EVC2: variants seen among roughly 807,000 people sequenced by gnomAD.
EVC2 encodes limbin.
A neutral mutation model predicts 149.3 loss-of-function variants in EVC2; 148 were observed. The ratio of observed to expected loss-of-function variants is 0.99; its 90% CI spans 0.87 to 1.14. EVC2 has a LOEUF of 1.14. Among genes scored for constraint, EVC2 ranks in the 50% most tolerant of loss-of-function variants. EVC2 has a pLI of 0.00. For synonymous variants in EVC2, 776 were observed against 649.9 expected (o/e 1.19, Z -2.95); for missense variants, 1,854 against 1,627.3 (o/e 1.14, Z -2.40).
At chr4:5,675,410 C>T (rs76140177) in intron 7 of EVC2, among the ~76,000 whole-genome samples, 1,777 of 152,284 alleles carry the variant, frequency 0.012, 34 homozygotes, top group African/African-American at 0.041. Context: ...CTCCTCCTCC[C>T]GTTGGTTTAA....
rs562168614 is a variant in EVC2, at chr4:5,547,185, C to T, written c.3420-3973G>A. ...CAAAGTCAGGGCCAAGTCACAGCTT[C>T]GCCAGGTGTGCACACACTTTGGGCG... On this transcript the variant is annotated intron_variant and NMD_transcript_variant, in intron 21 of 22. Transcript: ENST00000475313. 3.1e-4 allele frequency among the ~76,000 whole-genome samples: 47 copies of T among 152,370 alleles called. No homozygotes were observed. In the South Asian group the frequency reaches 6.2e-3, roughly 20 times the overall value.
intron 18 of EVC2, among the ~76,000 whole-genome samples, chr4:5,575,801 A>G (rs1444951683): frequency 6.6e-6 from 1 of 152,210 alleles, no homozygotes; most frequent in African/African-American, 2.4e-5. Flanking sequence ...CTGTTTTATA[A>G]TTTTACAAAA....
intron 1 of EVC2, chr4:5,707,995 G>A (rs1223837610): frequency 1.4e-5 from 4 of 285,540 alleles, no homozygotes; most frequent in African/African-American, 2.2e-5. Context: ...CTGGGGCACA[G>A]GAGTGAACTG....
intron 14 of EVC2, among the ~76,000 whole-genome samples, chr4:5,619,973 A>G (rs1405018498): frequency 6.6e-6 from 1 of 152,210 alleles, no homozygotes; most frequent in Non-Finnish European, 1.5e-5. Flanking sequence ...GGTTGGCCAG[A>G]GTCAGGTTTA....
At chr4:5,669,689 A>G (rs1385491109) in intron 7 of EVC2, among the ~76,000 whole-genome samples, 1 of 152,056 alleles carries the variant, frequency 6.6e-6, no homozygotes, top group Non-Finnish European at 1.5e-5. Context: ...GGCTACCTCA[A>G]ATCTCTTCCT....
intron 15 of EVC2, among the ~76,000 whole-genome samples, chr4:5,617,192 T>A (rs1386409071): frequency 6.6e-6 from 1 of 152,170 alleles, no homozygotes; most frequent in Non-Finnish European, 1.5e-5. Flanking sequence ...GTTTTTTTCT[T>A]TCTCTAAAGG....
intron 7 of EVC2, among the ~76,000 whole-genome samples, chr4:5,669,862 C>A (rs1193065182): frequency 6.6e-6 from 1 of 152,182 alleles, no homozygotes; most frequent in Non-Finnish European, 1.5e-5. Flanking sequence ...GGAATGGAAG[C>A]CTGGACCTAG....
At chr4:5,589,783 C>T (rs1302422010) in intron 16 of EVC2, among the ~76,000 whole-genome samples, 1 of 152,060 alleles carries the variant, frequency 6.6e-6, no homozygotes. Flanking sequence ...TTTATTCTGT[C>T]TTGGTCACAA....
At chr4:5,659,365 C>T (rs1255269803) in intron 9 of EVC2, among the ~76,000 whole-genome samples, 1 of 131,414 alleles carries the variant, frequency 7.6e-6, no homozygotes, top group Non-Finnish European at 1.6e-5. Flanking sequence ...GACCACAGAG[C>T]AAGATGGAAA....
At chr4:5,692,589 C>A (rs1029347289) in intron 3 of EVC2, among the ~76,000 whole-genome samples, 8 of 151,302 alleles carry the variant, frequency 5.3e-5, no homozygotes, top group Middle Eastern at 3.4e-3. Flanking sequence ...ACAAAAATGC[C>A]GGGCGCGGTG....
At chr4:5,532,763 A>C in the EVC2 span, among the ~76,000 whole-genome samples, 1 of 151,878 alleles carries the variant, frequency 6.6e-6, no homozygotes, top group Non-Finnish European at 1.5e-5. Flanking sequence ...AGCCCTCGAG[A>C]TGCTCAAGGT....
intron 3 of EVC2, among the ~76,000 whole-genome samples, chr4:5,692,562 C>G (rs1721185457): frequency 6.6e-6 from 1 of 152,146 alleles, no homozygotes; most frequent in Non-Finnish European, 1.5e-5. Flanking sequence ...GTAACCCTCT[C>G]ATTGTGTAGA....
intron 16 of EVC2, among the ~76,000 whole-genome samples, chr4:5,602,762 T>C (rs1028312739): frequency 1.3e-5 from 2 of 152,036 alleles, no homozygotes; most frequent in African/African-American, 2.4e-5. Flanking sequence ...GTGGTACAGG[T>C]TGAGTGAAGA....
At chr4:5,591,546 C>A (rs545899949) in intron 16 of EVC2, among the ~76,000 whole-genome samples, 1 of 151,922 alleles carries the variant, frequency 6.6e-6, no homozygotes, top group African/African-American at 2.4e-5. Context: ...ATGAGAAGGC[C>A]GTAAGGAAAA....
rs552670148 is a variant in EVC2 at position 5,640,227 on chromosome 4, G to T, written c.1470+287C>A. Among the ~76,000 whole-genome samples the T allele has an allele frequency of 6.6e-6, 1 of 151,956 alleles. No individual in the cohort carries two copies. Among genetic ancestry groups the T allele is most frequent in the Admixed American group, 6.6e-5 (1 of 15,232 alleles). On this transcript the variant is annotated intron_variant, in intron 10 of 21. Transcript: ENST00000344408. The surrounding 1 kb of genome is among the most constrained non-coding windows in gnomAD (Gnocchi z 4.6). ...GATGGATGTGTAGATGGACAGATGG[G>T]TGAATGAGTGGGTGGATGAATGGAT...
chr4:5,593,497 G>A (rs1026343358), intron 16 of EVC2, among the ~76,000 whole-genome samples: 1 of 152,196 alleles, frequency 6.6e-6, no homozygotes, highest in Admixed American at 6.5e-5. Context: ...ACATTATCAA[G>A]AAACTTGCAC....
upstream of EVC2, chr4:5,708,875 T>A (rs1722393662): frequency 5.0e-6 from 1 of 198,954 alleles, no homozygotes; most frequent in South Asian, 1.9e-4. Context: ...TGGGAACGGT[T>A]TCCTGACACA....
chr4:5,623,284 G>A (rs972106699), intron 13 of EVC2, among the ~76,000 whole-genome samples: 3 of 151,804 alleles, frequency 2.0e-5, no homozygotes, highest in African/African-American at 7.3e-5. Context: ...TTACGGGCAC[G>A]TGCGCCATGA....
rs79426828 is a variant in EVC2, at chr4:5,628,397, G to A, written c.1886+162C>T. 0.1 allele frequency among the ~76,000 whole-genome samples: 15,165 copies of A among 152,106 alleles called. 2,441 individuals carry two copies. Among genetic ancestry groups the A allele is most frequent in the African/African-American group, 0.34 (14,110 of 41,452 alleles). ...TGATGCCCTTCCACCATGTTATGAT[G>A]AAGTAAGAAGGCCCTCACTCGATCT... On this transcript the variant is annotated intron_variant, in intron 12 of 21. Coordinates refer to ENST00000344408, the MANE Select transcript of EVC2 (RefSeq NM_147127.5).
Sources: gnomAD v4.1 joint callset for allele counts (sites outside exome capture counted in the v4.1 genomes callset) on GRCh38, gnomAD v4.1.1 for gene constraint, Gnocchi (gnomAD v3.1) non-coding constraint, MANE v1.5 for transcripts, NCBI Gene and HGNC (gene_info 2026-07-23, HGNC 2026-07-21) for gene names.